TRPC4: variants seen among roughly 807,000 people sequenced by gnomAD.
TRPC4 encodes short transient receptor potential channel 4.
TRPC4 carries 49 observed loss-of-function variants against 99.4 expected under a neutral mutation model. That is an observed-to-expected ratio of 0.49 (90% CI 0.39 to 0.63). TRPC4 has a LOEUF of 0.63. Ranked by LOEUF, TRPC4 falls within the 20% of genes least tolerant of loss-of-function variation. TRPC4 has a pLI of 0.00. For synonymous variants in TRPC4, 454 were observed against 425.9 expected (o/e 1.07, Z -0.81); for missense variants, 898 against 1,152.9 (o/e 0.78, Z 3.20).
At chr13:37,817,647 T>A (rs1160005766) in intron 1 of TRPC4, among the ~76,000 whole-genome samples, 1 of 151,482 alleles carries the variant, frequency 6.6e-6, no homozygotes, top group Non-Finnish European at 1.5e-5. Flanking sequence ...TATTACAGGG[T>A]TACGGTAATC....
Position 37,762,448 on chromosome 13 carries a change from C to T in TRPC4, c.379-15993G>A, listed in dbSNP as rs572080429. ...TTTATTGCGGCACTATTCACAATAG[C>T]GAAGACTTGGAACCAACCCAAATGT... is the stretch of plus-strand genomic sequence containing the variant. On this transcript the variant is annotated intron_variant, in intron 2 of 10. Transcript: ENST00000379705. Among the ~76,000 whole-genome samples, 681 of 151,344 alleles carry T rather than the reference C, an allele frequency of 4.5e-3. 6 individuals are homozygous for T. Among genetic ancestry groups the T allele is most frequent in the African/African-American group, 0.016 (652 of 41,296 alleles).
intron 5 of TRPC4, among the ~76,000 whole-genome samples, chr13:37,669,394 A>T (rs1952760015): frequency 6.6e-6 from 1 of 152,148 alleles, no homozygotes. Context: ...CTTCATACAC[A>T]GTGAAAAGAG....
intron 3 of TRPC4, among the ~76,000 whole-genome samples, chr13:37,745,084 A>G (rs971637438): frequency 2.0e-5 from 3 of 152,106 alleles, no homozygotes; most frequent in Non-Finnish European, 2.9e-5. Context: ...ACTTTATAAT[A>G]AGTATTTACT....
intron 4 of TRPC4, among the ~76,000 whole-genome samples, chr13:37,676,378 CT>C (rs10710896): frequency 0.99 from 142,194 of 144,272 alleles, 70,068 homozygotes; most frequent in South Asian, 1. Context: ...GGAGTAACAT[CT>C]TTTTTTTTTT....
chr13:37,804,765 A>G (rs1957487348), intron 1 of TRPC4, among the ~76,000 whole-genome samples: 1 of 152,046 alleles, frequency 6.6e-6, no homozygotes, highest in South Asian at 2.1e-4. Flanking sequence ...CAAATGTGTG[A>G]CTGTTTCTTA....
chr13:37,693,898 G>A (rs1013470502), intron 3 of TRPC4, among the ~76,000 whole-genome samples: 1 of 152,042 alleles, frequency 6.6e-6, no homozygotes, highest in Non-Finnish European at 1.5e-5. Flanking sequence ...GGGGTAGGGG[G>A]GACTATCCTC....
chr13:37,824,428 T>C (rs963894033), intron 1 of TRPC4, among the ~76,000 whole-genome samples: 2 of 152,052 alleles, frequency 1.3e-5, no homozygotes, highest in African/African-American at 4.8e-5. Context: ...ATAGCTCTTA[T>C]TGTTTTGAAA....
At chr13:37,701,391 A>C (rs775988286) in intron 3 of TRPC4, among the ~76,000 whole-genome samples, 5 of 151,870 alleles carry the variant, frequency 3.3e-5, no homozygotes, top group Non-Finnish European at 5.9e-5. Context: ...TCTCTCATCT[A>C]GGTCTTTTAT....
At chr13:37,823,799 T>C (rs566870383) in intron 1 of TRPC4, among the ~76,000 whole-genome samples, 1 of 149,576 alleles carries the variant, frequency 6.7e-6, no homozygotes, top group South Asian at 2.2e-4. Context: ...TTTTTTCCAA[T>C]TCTGTGAAGA....
chr13:37,799,761 G>A (rs1447220874), intron 1 of TRPC4, among the ~76,000 whole-genome samples: 1 of 152,192 alleles, frequency 6.6e-6, no homozygotes, highest in East Asian at 1.9e-4. Flanking sequence ...CACAACCCAA[G>A]AAGGTTCGAT....
At chr13:37,707,488 A>T (rs1954323317) in intron 3 of TRPC4, among the ~76,000 whole-genome samples, 3 of 152,180 alleles carry the variant, frequency 2.0e-5, no homozygotes, top group African/African-American at 7.2e-5. Context: ...CAGTCACAAG[A>T]CATGAACAGA....
chr13:37,684,284 A>C (rs759392014), intron 4 of TRPC4, among the ~76,000 whole-genome samples: 4 of 152,214 alleles, frequency 2.6e-5, no homozygotes, highest in Non-Finnish European at 5.9e-5. Context: ...AAAAATGCTT[A>C]AACCACTATG....
intron 5 of TRPC4, among the ~76,000 whole-genome samples, chr13:37,672,753 TAA>T (rs1278335596): frequency 3.3e-5 from 5 of 152,218 alleles, no homozygotes; most frequent in African/African-American, 1.2e-4. Flanking sequence ...CTCCTTTGGT[TAA>T]AAGAGTACCT....
At chr13:37,850,144 C>A (rs894415119) in intron 1 of TRPC4, among the ~76,000 whole-genome samples, 1 of 152,088 alleles carries the variant, frequency 6.6e-6, no homozygotes, top group African/African-American at 2.4e-5. Context: ...ACAGTGAAAA[C>A]TGTAACACAT....
intron 4 of TRPC4, among the ~76,000 whole-genome samples, chr13:37,677,654 C>T (rs368464958): frequency 6.6e-5 from 10 of 151,982 alleles, no homozygotes; most frequent in African/African-American, 2.4e-4. Flanking sequence ...CCCTATAATA[C>T]AAGATGTCAT....
In TRPC4 at chr13:37,818,283, T is replaced by C. The variant is rs1957919026; in HGVS notation, c.-27-34923A>G. The stretch of plus-strand genomic sequence containing the variant: ...CTCACACCAGTTAGAATGGCAATCA[T>C]TAAAAAGTCAGGAAATGACAGATGC... On this transcript the variant is annotated intron_variant, in intron 1 of 10. Coordinates refer to ENST00000379705, the MANE Select transcript of TRPC4 (RefSeq NM_016179.4). 2.0e-5 allele frequency among the ~76,000 whole-genome samples: 3 copies of C among 152,136 alleles called. No homozygotes were observed. In the South Asian group the frequency reaches 6.2e-4, roughly 31 times the overall value.
chr13:37,820,209 T>G (rs890439571), intron 1 of TRPC4, among the ~76,000 whole-genome samples: 1 of 151,956 alleles, frequency 6.6e-6, no homozygotes, highest in African/African-American at 2.4e-5. Flanking sequence ...ATGGATACAT[T>G]CCTGGAAACA....
chr13:37,705,951 T>G (rs548060724), intron 3 of TRPC4, among the ~76,000 whole-genome samples: 57 of 105,860 alleles, frequency 5.4e-4, no homozygotes, highest in Middle Eastern at 4.5e-3. Flanking sequence ...TTTTTCATGA[T>G]GAGTTCCTAT....
rs756596485 is a variant in TRPC4, at chr13:37,663,535, G to A, written c.1569C>T (p.Tyr523=). Residue 523 remains tyrosine (Y), a synonymous_variant, in exon 6 of 11, where the codon TAC becomes TAT. Coordinates refer to ENST00000379705, the MANE Select transcript of TRPC4 (RefSeq NM_016179.4). The part of the protein sequence containing the change: ...LLDILKFLFI[Y]CLVLLAFANG... ...TTGCAAATGCTAGCAACACAAGGCA[G>A]TATATGAATAGAAACTTCAAAATGT... is the stretch of plus-strand genomic sequence containing the variant. The A allele has an allele frequency of 5.0e-6, 8 of 1,614,076 alleles. No individual in the cohort carries two copies. The African/African-American group carries it at 9.3e-5, about 19-fold the overall frequency.
Sources: allele counts gnomAD v4.1 joint callset (sites outside exome capture counted in the v4.1 genomes callset), GRCh38; gene constraint gnomAD v4.1.1; transcripts MANE v1.5; gene names NCBI Gene and HGNC (gene_info 2026-07-23, HGNC 2026-07-21).